Variants in EHMT1 observed in about 807,000 individuals in gnomAD.
The protein encoded by EHMT1 is euchromatic histone lysine methyltransferase 1.
Under a neutral mutation model 147.2 loss-of-function variants are expected in EHMT1, and 15 were observed. The ratio of observed to expected loss-of-function variants is 0.10; its 90% CI spans 0.07 to 0.16. EHMT1 has a LOEUF of 0.16. Ranked by LOEUF, EHMT1 falls within the 10% of genes least tolerant of loss-of-function variation. EHMT1 has a pLI of 1.00. For synonymous variants in EHMT1, 795 were observed against 709.6 expected (o/e 1.12, Z -1.91); for missense variants, 1,587 against 1,772.4 (o/e 0.90, Z 1.88).
At chr9:137,824,982 C>G (rs906073917) in intron 25 of EHMT1, among the ~76,000 whole-genome samples, 1 of 152,202 alleles carries the variant, frequency 6.6e-6, no homozygotes. Context: ...AATGCTTGTT[C>G]TCTTCCCGGC....
intron 1 of EHMT1, among the ~76,000 whole-genome samples, chr9:137,668,220 G>T (rs1939907089): frequency 6.6e-6 from 1 of 152,142 alleles, no homozygotes; most frequent in Admixed American, 6.5e-5. Flanking sequence ...GAGTCTAACT[G>T]ACCTGGGACT....
chr9:137,814,339 G>A, intron 21 of EHMT1, 92 bp from the exon 22 acceptor site: 2 of 1,363,802 alleles, frequency 1.5e-6, no homozygotes, highest in Non-Finnish European at 2.1e-6. Flanking sequence ...CCAGAATCAG[G>A]GTTAACAGAA....
intron 18 of EHMT1, chr9:137,802,312 T>A (rs1423535792): frequency 2.5e-6 from 1 of 397,954 alleles, no homozygotes; most frequent in Non-Finnish European, 4.4e-6. Context: ...AAATGGGAGG[T>A]GCTGCAGCCC....
At position 137,727,487 on chromosome 9, in the gene EHMT1, C is replaced by A. The variant is rs186932112; in HGVS notation, c.643-862C>A. Among the ~76,000 whole-genome samples, 5 of 152,286 alleles carry A rather than the reference C, an allele frequency of 3.3e-5. No individual in the cohort carries two copies. The East Asian group carries it at 9.6e-4, about 29-fold the overall frequency. On this transcript the variant is annotated intron_variant, in intron 3 of 26. Coordinates refer to ENST00000460843, the MANE Select transcript of EHMT1 (RefSeq NM_024757.5). ...TTTTTATATGGTTTAGAAAAGGGTC[C>A]AGCTTCATTCTTTTTCATGTGGTCA...
intron 1 of EHMT1, among the ~76,000 whole-genome samples, chr9:137,687,591 G>A (rs1942571510): frequency 6.6e-6 from 1 of 152,204 alleles, no homozygotes; most frequent in Admixed American, 6.5e-5. Context: ...GCTTTTGGGA[G>A]GTGCTTTTGT....
chr9:137,712,444 G>A (rs1001619968), intron 2 of EHMT1, among the ~76,000 whole-genome samples: 3 of 152,160 alleles, frequency 2.0e-5, no homozygotes, highest in Non-Finnish European at 2.9e-5. Context: ...GGTTCTCCAC[G>A]TCCTCGCCAC....
At chr9:137,743,081 G>T in intron 4 of EHMT1, 9 of 401,466 alleles carry the variant, frequency 2.2e-5, no homozygotes, top group East Asian at 5.5e-5. Context: ...CTGATGATTT[G>T]TGGCTTTCCT....
chr9:137,664,288 CTTT>C (rs796427218), intron 1 of EHMT1, among the ~76,000 whole-genome samples: 1 of 142,242 alleles, frequency 7.0e-6, no homozygotes, highest in Non-Finnish European at 1.5e-5. Flanking sequence ...TTTAGCCATA[CTTT>C]TTTTTTTTTT....
intron 6 of EHMT1, chr9:137,745,947 A>T (rs1402257388): frequency 1.1e-5 from 2 of 174,172 alleles, no homozygotes; most frequent in Non-Finnish European, 2.4e-5. Context: ...GCCAGCCACC[A>T]GTGTTTGTTC....
At chr9:137,834,734 G>T (rs996481659) in intron 26 of EHMT1, 39 bp from the exon 27 acceptor site, 2 of 1,613,094 alleles carry the variant, frequency 1.2e-6, no homozygotes, top group South Asian at 2.2e-5. Context: ...AGGTGCCGGT[G>T]GGATTCGACT....
intron 1 of EHMT1, among the ~76,000 whole-genome samples, chr9:137,700,172 CAT>C (rs750846003): frequency 9.2e-5 from 14 of 152,184 alleles, no homozygotes; most frequent in East Asian, 3.8e-4. Context: ...ATGGACTTGA[CAT>C]GTGAGTATTT....
intron 3 of EHMT1, 170 bp downstream of exon 3, chr9:137,717,352 C>T: frequency 1.1e-6 from 1 of 887,780 alleles, no homozygotes; most frequent in Non-Finnish European, 1.8e-6. Context: ...GCTGTTATCG[C>T]AGCACTTTGG....
Position 137,761,153 on chromosome 9 carries a change from G to A in EHMT1, c.1502-1522G>A, listed in dbSNP as rs529873464. Among the ~76,000 whole-genome samples, 26 of 152,342 alleles carry A rather than the reference G, an allele frequency of 1.7e-4. No individual in the cohort carries two copies. The South Asian group carries it at 3.7e-3, about 22-fold the overall frequency. Reference sequence around the variant, plus strand: ...GAGGGGAAGGATTTTTAGGGTGAACGTGGGAGTAAAGCCAGGAAAACACCC... The same window carrying A: ...GAGGGGAAGGATTTTTAGGGTGAACATGGGAGTAAAGCCAGGAAAACACCC... On this transcript the variant is annotated intron_variant, in intron 9 of 26. Coordinates refer to ENST00000460843, the MANE Select transcript of EHMT1 (RefSeq NM_024757.5).
At chr9:137,726,331 G>A (rs950519228) in intron 3 of EHMT1, among the ~76,000 whole-genome samples, 1 of 152,108 alleles carries the variant, frequency 6.6e-6, no homozygotes, top group Non-Finnish European at 1.5e-5. Context: ...TCCATCAGTT[G>A]GACGACTCTA....
intron 2 of EHMT1, 35 bp from the exon 3 acceptor site, chr9:137,716,591 C>T (rs762855093): frequency 1.8e-5 from 28 of 1,530,284 alleles, no homozygotes; most frequent in Non-Finnish European, 2.4e-5. Flanking sequence ...GAGAGCGTGG[C>T]CTGCAGTCAG....
At chr9:137,788,359 C>A in intron 15 of EHMT1, 1 of 338,978 alleles carries the variant, frequency 3.0e-6, no homozygotes, top group Non-Finnish European at 5.4e-6. Flanking sequence ...CCACCCGCAC[C>A]GCCTTCTGCC....
intron 16 of EHMT1, among the ~76,000 whole-genome samples, chr9:137,793,950 G>T (rs1952713074): frequency 6.6e-6 from 1 of 152,206 alleles, no homozygotes; most frequent in Non-Finnish European, 1.5e-5. Context: ...GGAAATAGTG[G>T]TGATTGTGAA....
intron 8 of EHMT1, among the ~76,000 whole-genome samples, chr9:137,755,840 T>G (rs550186306): frequency 2.0e-5 from 3 of 152,338 alleles, no homozygotes; most frequent in Admixed American, 2.0e-4. Flanking sequence ...TTAGCCTTCA[T>G]TTAGTTTTTT....
chr9:137,752,423 C>T lies in EHMT1; in HGVS notation c.1248+15C>T. The T allele has an allele frequency of 6.2e-7, 1 of 1,612,070 alleles. No homozygotes were observed. Among genetic ancestry groups the T allele is most frequent in the Non-Finnish European group, 8.5e-7 (1 of 1,179,174 alleles). Reference sequence around the variant, plus strand: ...AGTCTGACCTGGTAATGCCCAGCGCCTCCTCCTGCGTCTGTGCTGATGTAG... The same window carrying T: ...AGTCTGACCTGGTAATGCCCAGCGCTTCCTCCTGCGTCTGTGCTGATGTAG... On this transcript the variant is annotated intron_variant, in intron 7 of 26. Coordinates refer to ENST00000460843, the MANE Select transcript of EHMT1 (RefSeq NM_024757.5).
Sources: allele counts gnomAD v4.1 joint callset (sites outside exome capture counted in the v4.1 genomes callset), GRCh38; gene constraint gnomAD v4.1.1; transcripts MANE v1.5; gene names NCBI Gene and HGNC (gene_info 2026-07-23, HGNC 2026-07-21).